The following LAPTM5 variants were observed in gnomAD, a reference collection of about 807,000 sequenced individuals.
LAPTM5 encodes lysosomal protein transmembrane 5.
Under a neutral mutation model 30.1 loss-of-function variants are expected in LAPTM5, and 11 were observed. That is an observed-to-expected ratio of 0.37 (90% CI 0.23 to 0.60). The LOEUF (loss-of-function observed/expected upper bound fraction) is 0.60, where lower values mean the gene tolerates loss of function less well. Ranked by LOEUF, LAPTM5 falls within the 20% of genes least tolerant of loss-of-function variation. The pLI is 0.71. For missense variants in LAPTM5, 324 were observed against 332.5 expected, an observed-to-expected ratio of 0.97 and a Z score of 0.20; for synonymous variants, 151 against 137.9, an observed-to-expected ratio of 1.10 and a Z score of -0.67.
rs1569865294 is a variant in LAPTM5 at position 30,746,190 on chromosome 1, A to G, written c.88-3641T>C. The G allele has an allele frequency of 1.3e-5, 2 of 152,324 alleles. No homozygotes were observed. Among genetic ancestry groups the G allele is most frequent in the East Asian group, 3.9e-4 (2 of 5,186 alleles). 9.4% of individuals were successfully genotyped at this position (152,324 alleles called of 1,614,324 possible). ...TGGCCTCAGCTTTCGATTCTGGTCA[A>G]TGAGAAGAGACCCTCATTTTCCCCT... On this transcript the variant is annotated intron_variant, in intron 1 of 7. Coordinates refer to ENST00000294507, the MANE Select transcript of LAPTM5 (RefSeq NM_006762.3). The surrounding 1 kb of genome is among the most constrained non-coding windows in gnomAD (Gnocchi z 4.0).
intron 1 of LAPTM5, among the ~76,000 whole-genome samples, chr1:30,748,450 T>A (rs1024237357): frequency 1.3e-5 from 2 of 152,130 alleles, no homozygotes; most frequent in African/African-American, 4.8e-5. Flanking sequence ...GGCCCCTCCC[T>A]GAAGCTCAGT....
intron 1 of LAPTM5, among the ~76,000 whole-genome samples, chr1:30,756,204 G>T (rs1273065612): frequency 6.6e-6 from 1 of 152,200 alleles, no homozygotes; most frequent in African/African-American, 2.4e-5. Context: ...GAGCTTGAAG[G>T]CCTAAAATAC....
chr1:30,737,583 G>T (rs748257104), intron 6 of LAPTM5, 21 bp downstream of exon 6: 10 of 1,577,884 alleles, frequency 6.3e-6, no homozygotes, highest in East Asian at 4.5e-5. Context: ...TCCCAGAGCC[G>T]CAGGGCAGGG....
At chr1:30,738,184 A>G (rs1639915258) in intron 5 of LAPTM5, among the ~76,000 whole-genome samples, 1 of 152,152 alleles carries the variant, frequency 6.6e-6, no homozygotes, top group South Asian at 2.1e-4. Context: ...CCTCCCTTCT[A>G]AAGGTGGTGT....
intron 1 of LAPTM5, among the ~76,000 whole-genome samples, chr1:30,753,668 G>A (rs1640169524): frequency 6.6e-6 from 1 of 152,204 alleles, no homozygotes; most frequent in Admixed American, 6.5e-5. Context: ...CTAAGGAAGT[G>A]TGAAGACTAA....
chr1:30,751,385 A>G (rs1419968580), intron 1 of LAPTM5, among the ~76,000 whole-genome samples: 2 of 152,260 alleles, frequency 1.3e-5, no homozygotes, highest in African/African-American at 4.8e-5. Context: ...ATTCTCACCC[A>G]GGGTTTTCCC....
At chr1:30,741,257 C>T (rs1639967062) in intron 3 of LAPTM5, among the ~76,000 whole-genome samples, 1 of 152,210 alleles carries the variant, frequency 6.6e-6, no homozygotes, top group Admixed American at 6.5e-5. Flanking sequence ...CTCCTCTCAT[C>T]CATTACAAAA....
At position 30,741,633 on chromosome 1, in the gene LAPTM5, C is replaced by A. The variant is rs373851627; in HGVS notation, c.258+7G>T. 10 of 1,590,560 alleles carry A rather than the reference C, an allele frequency of 6.3e-6. No individual in the cohort carries two copies. Among genetic ancestry groups the A allele is most frequent in the Admixed American group, 1.8e-5 (1 of 56,862 alleles). ...GGCAGGGGGCAGCGGGGCTCCTGAG[C>A]CCTCACCTTGACTACGCCGATCAGT... On this transcript the variant is annotated splice_region_variant and intron_variant, in intron 3 of 7. Transcript: ENST00000294507.
intron 3 of LAPTM5, 93 bp downstream of exon 3, chr1:30,741,547 G>A (rs765123400): frequency 7.1e-6 from 6 of 844,984 alleles, no homozygotes; most frequent in East Asian, 3.1e-5. Context: ...TAACATACCC[G>A]CCTCCCACCC....
intron 1 of LAPTM5, among the ~76,000 whole-genome samples, chr1:30,751,813 C>T (rs1234586280): frequency 2.0e-5 from 3 of 152,188 alleles, no homozygotes; most frequent in Admixed American, 6.5e-5. Flanking sequence ...GCCCTCCACC[C>T]GGCTTCGCTA....
chr1:30,757,446 C>T (rs1370716846), intron 1 of LAPTM5, among the ~76,000 whole-genome samples: 6 of 152,182 alleles, frequency 3.9e-5, no homozygotes, highest in Non-Finnish European at 4.4e-5. Flanking sequence ...TCCCTTACTC[C>T]TCACTCTTGC....
At chr1:30,736,135 G>T (rs1557459947) in intron 6 of LAPTM5, among the ~76,000 whole-genome samples, 1 of 152,138 alleles carries the variant, frequency 6.6e-6, no homozygotes, top group Non-Finnish European at 1.5e-5. Context: ...GCCCACACTG[G>T]CTTCCCCCAT....
Position 30,739,333 on chromosome 1 carries a change from A to G in LAPTM5, c.388-271T>C. ...GTCTCTTCAAGGACAACAGTTGGGG[A>G]GAGTGAGAAAAGCAGGTTTGGGAGA... On this transcript the variant is annotated intron_variant, in intron 4 of 7. Coordinates refer to ENST00000294507, the MANE Select transcript of LAPTM5 (RefSeq NM_006762.3). The surrounding 1 kb of genome is among the most constrained non-coding windows in gnomAD (Gnocchi z 4.2). The G allele has an allele frequency of 3.0e-6, 1 of 333,970 alleles. No homozygotes were observed. The highest frequency in any genetic ancestry group is 2.1e-5 in the African/African-American group (1 of 47,546). 20.7% of individuals were successfully genotyped at this position (333,970 alleles called of 1,614,324 possible). A position where few individuals can be genotyped will look rare whatever the true frequency, so the allele number is the denominator to read the frequency against.
chr1:30,738,114 G>A (rs546394881), intron 5 of LAPTM5, among the ~76,000 whole-genome samples: 22 of 152,274 alleles, frequency 1.4e-4, no homozygotes, highest in Middle Eastern at 3.4e-3. Flanking sequence ...AGGGGAACTC[G>A]CCCTAGGTGA....
At chr1:30,741,994 G>A in intron 2 of LAPTM5, 1 of 381,662 alleles carries the variant, frequency 2.6e-6, no homozygotes, top group Non-Finnish European at 4.9e-6. Context: ...TCCCTGGGGA[G>A]TGGCCTGAGA....
chr1:30,736,073 G>A (rs1300045900), intron 6 of LAPTM5, among the ~76,000 whole-genome samples: 4 of 152,184 alleles, frequency 2.6e-5, no homozygotes, highest in Non-Finnish European at 5.9e-5. Flanking sequence ...GGGGGACGGA[G>A]CTGTGTGCTG....
intron 7 of LAPTM5, among the ~76,000 whole-genome samples, chr1:30,734,251 A>T (rs1165876597): frequency 6.6e-6 from 1 of 152,126 alleles, no homozygotes; most frequent in East Asian, 1.9e-4. Flanking sequence ...GGACTTGGCC[A>T]CTCAAAGTAG....
At position 30,733,525 on chromosome 1, in the gene LAPTM5, A is replaced by T; in HGVS notation, c.*303T>A. ...TGATCAAGTCGATAGTTGCTTGACA[A>T]ACTCACCAACTTTAGAATGGCCAAT... On this transcript the variant is annotated 3_prime_UTR_variant, in exon 8 of 8. Transcript: ENST00000294507. The T allele has an allele frequency of 6.9e-7, 1 of 1,447,014 alleles. No homozygotes were observed. Among genetic ancestry groups the T allele is most frequent in the South Asian group, 1.2e-5 (1 of 82,422 alleles). 89.6% of individuals were successfully genotyped at this position (1,447,014 alleles called of 1,614,324 possible).
rs1639972743 is a variant in LAPTM5, at chr1:30,741,707, A to T, written c.191T>A (p.Ile64Asn). ...CATGGTGATGAGCAGGAAGCTGGAGATCAGGTCAGCTGAAAGGCAAGGAGA... is the reference window on the plus strand; with the variant it reads ...CATGGTGATGAGCAGGAAGCTGGAGTTCAGGTCAGCTGAAAGGCAAGGAGA... ...QMGYLRIADL[I>N]SSFLLITMLF... Residue 64 changes from isoleucine (I) to asparagine (N), a missense_variant, in exon 3 of 8, where the codon ATC becomes AAC. By Grantham distance (149) the Ile-to-Asn change is moderately radical. Coordinates refer to ENST00000294507, the MANE Select transcript of LAPTM5 (RefSeq NM_006762.3). The T allele has an allele frequency of 1.2e-6, 2 of 1,606,998 alleles. No individual in the cohort carries two copies. Among genetic ancestry groups the T allele is most frequent in the African/African-American group, 2.7e-5 (2 of 74,870 alleles).
Sources: gnomAD v4.1 joint callset for allele counts (sites outside exome capture counted in the v4.1 genomes callset) on GRCh38, gnomAD v4.1.1 for gene constraint, Gnocchi (gnomAD v3.1) non-coding constraint, MANE v1.5 for transcripts, NCBI Gene and HGNC (gene_info 2026-07-23, HGNC 2026-07-21) for gene names.